Variants in PPFIBP1 observed in about 807,000 individuals in gnomAD.
PPFIBP1 encodes the protein liprin-beta-1.
Under a neutral mutation model 137.8 loss-of-function variants are expected in PPFIBP1, and 112 were observed. The ratio of observed to expected loss-of-function variants is 0.81; its 90% CI spans 0.70 to 0.95. The LOEUF is 0.95. Ranked by LOEUF, PPFIBP1 falls within the 40% of genes least tolerant of loss-of-function variation. PPFIBP1 has a pLI of 0.00. For synonymous variants in PPFIBP1, 378 were observed against 417.3 expected (o/e 0.91, Z 1.15); for missense variants, 1,083 against 1,196.6 (o/e 0.91, Z 1.40).
chr12:27,690,099 C>A (rs771808088), intron 27 of PPFIBP1, among the ~76,000 whole-genome samples: 2 of 152,072 alleles, frequency 1.3e-5, no homozygotes, highest in Non-Finnish European at 2.9e-5. Context: ...TAGCTATCTG[C>A]CCACTCTAAC....
chr12:27,639,800 A>G (rs2057977791), intron 4 of PPFIBP1, among the ~76,000 whole-genome samples: 1 of 152,218 alleles, frequency 6.6e-6, no homozygotes, highest in Non-Finnish European at 1.5e-5. Flanking sequence ...TTGCTATAAA[A>G]ATAAAAATAC....
intron 24 of PPFIBP1, among the ~76,000 whole-genome samples, chr12:27,686,872 CAA>C (rs11342490): frequency 1.5e-5 from 2 of 132,806 alleles, no homozygotes; most frequent in African/African-American, 5.4e-5. Flanking sequence ...CCTATCTCTC[CAA>C]AAAAAAAAAA....
At position 27,684,686 on chromosome 12, in the gene PPFIBP1, C is replaced by G. The variant is rs191004819; in HGVS notation, c.2247+1983C>G. ...GCTATGTGTCAAACATCCTTTTAAGCATTTTGCTCATATTAATACTGGATT... is the reference window on the plus strand; with the variant it reads ...GCTATGTGTCAAACATCCTTTTAAGGATTTTGCTCATATTAATACTGGATT... On this transcript the variant is annotated intron_variant, in intron 24 of 29. Coordinates refer to ENST00000228425, the MANE Select transcript of PPFIBP1 (RefSeq NM_003622.4). 5.3e-5 allele frequency among the ~76,000 whole-genome samples: 8 copies of G among 152,164 alleles called. No individual in the cohort carries two copies. In the East Asian group the frequency reaches 1.3e-3, roughly 26 times the overall value.
chr12:27,675,418 A>G (rs754645578), intron 17 of PPFIBP1, among the ~76,000 whole-genome samples: 1 of 152,226 alleles, frequency 6.6e-6, no homozygotes, highest in East Asian at 1.9e-4. Context: ...AGATATATAG[A>G]GTAAAATAAC....
In PPFIBP1 at chr12:27,672,429, A is replaced by G. The variant is rs758969929; in HGVS notation, c.1265A>G (p.Asp422Gly). 1.2e-5 allele frequency: 20 copies of G among 1,605,220 alleles called. No homozygotes were observed. The highest frequency in any genetic ancestry group is 1.7e-5 in the Non-Finnish European group (20 of 1,172,742). Residue 422 changes from aspartate to glycine, a missense_variant and splice_region_variant, in exon 15 of 30, where the codon GAT becomes GGT. Asp to Gly is a moderately conservative substitution (Grantham distance 94). Coordinates refer to ENST00000228425, the MANE Select transcript of PPFIBP1 (RefSeq NM_003622.4). ...PKPETSFEENDGNIILGATVD... is the reference protein window; with the variant it reads ...PKPETSFEENGGNIILGATVD... ...ACCTTTTGTTCTTTACATTTTAGTG[A>G]TGGAAACATAATCCTTGGTGCCACT...
chr12:27,681,019 G>A (rs951171842), intron 21 of PPFIBP1, among the ~76,000 whole-genome samples: 6 of 151,846 alleles, frequency 4.0e-5, no homozygotes, highest in Admixed American at 1.3e-4. Context: ...CTTCCCCTCC[G>A]CACCCTGCCC....
At chr12:27,575,284 T>A (rs1280500327) in intron 1 of PPFIBP1, among the ~76,000 whole-genome samples, 1 of 152,188 alleles carries the variant, frequency 6.6e-6, no homozygotes, top group East Asian at 1.9e-4. Context: ...AGACCCACAT[T>A]TGGCCTTCTT....
At chr12:27,592,095 T>TTCTTCCCTTGGAAGTGCA (rs1280595503) in intron 2 of PPFIBP1, among the ~76,000 whole-genome samples, 1 of 152,230 alleles carries the variant, frequency 6.6e-6, no homozygotes, top group Non-Finnish European at 1.5e-5. Flanking sequence ...GAGAAAGAAT[T>TTCTTCCCTTGGAAGTGCA]TCTTCCCTTG....
rs79235122 is a variant in PPFIBP1, at chr12:27,686,477, G to C, written c.2248-908G>C. Among the ~76,000 whole-genome samples, 494 of 152,242 alleles carry C rather than the reference G, an allele frequency of 3.2e-3. 1 individual carries two copies. Among genetic ancestry groups the C allele is most frequent in the African/African-American group, 0.011 (467 of 41,530 alleles). ...GTGAAAATTCTTCCTTGAAGGGGTT[G>C]ATTGGTAATATATATATGTGATACT... On this transcript the variant is annotated intron_variant, in intron 24 of 29. Transcript: ENST00000228425.
chr12:27,590,157 A>C (rs2052316567), intron 2 of PPFIBP1, among the ~76,000 whole-genome samples: 1 of 151,760 alleles, frequency 6.6e-6, no homozygotes. Flanking sequence ...CTTTCTACTA[A>C]ATGCTGTGTT....
In PPFIBP1 at chr12:27,682,485, C is replaced by G. The variant is rs372355893; in HGVS notation, c.2145C>G (p.Phe715Leu). 3 of 1,613,312 alleles carry G rather than the reference C, an allele frequency of 1.9e-6. No homozygotes were observed. The highest frequency in any genetic ancestry group is 2.5e-6 in the Non-Finnish European group (3 of 1,179,388). Residue 715 changes from phenylalanine to leucine, a missense_variant, in exon 23 of 30, where the codon TTC (phenylalanine) becomes TTG (leucine). Physicochemically the swap from Phe to Leu is conservative, Grantham distance 22. Coordinates refer to ENST00000228425, the MANE Select transcript of PPFIBP1 (RefSeq NM_003622.4). ...EEETNHGKLD[F>L]NWVTRWLDDI... ...AAACCAATCATGGGAAGCTGGATTT[C>G]AACTGGGTCACTAGTAAGAAGTTTT... is the stretch of plus-strand genomic sequence containing the variant.
At chr12:27,629,272 T>G (rs1308007035) in intron 2 of PPFIBP1, among the ~76,000 whole-genome samples, 1 of 152,216 alleles carries the variant, frequency 6.6e-6, no homozygotes, top group East Asian at 1.9e-4. Context: ...TAAATGGGAT[T>G]GACATTGGGA....
At chr12:27,563,695 G>A (rs1241162637) in intron 1 of PPFIBP1, among the ~76,000 whole-genome samples, 1 of 152,038 alleles carries the variant, frequency 6.6e-6, no homozygotes, top group East Asian at 1.9e-4. Context: ...ATGGATCCTG[G>A]TGGCACTACT....
chr12:27,678,856 C>CAGAAAAAAAAAAAA (rs2060691363), intron 19 of PPFIBP1, among the ~76,000 whole-genome samples: 1 of 98,972 alleles, frequency 1.0e-5, no homozygotes, highest in East Asian at 3.7e-4. Flanking sequence ...GACTCTGTCT[C>CAGAAAAAAAAAAAA]AAAAAAAAAA....
chr12:27,653,014 T>C (rs2058970678), intron 7 of PPFIBP1, among the ~76,000 whole-genome samples: 1 of 152,178 alleles, frequency 6.6e-6, no homozygotes, highest in African/African-American at 2.4e-5. Flanking sequence ...TATTAAGGTG[T>C]AATTGTATAA....
intron 2 of PPFIBP1, chr12:27,592,528 C>G: frequency 8.1e-7 from 1 of 1,240,174 alleles, no homozygotes; most frequent in South Asian, 1.2e-5. Flanking sequence ...GAATCGTTTC[C>G]TTGGTGCTGG....
chr12:27,579,400 A>C (rs558471401), intron 2 of PPFIBP1, among the ~76,000 whole-genome samples: 1 of 152,214 alleles, frequency 6.6e-6, no homozygotes, highest in Non-Finnish European at 1.5e-5. Flanking sequence ...TTCAATCAGC[A>C]CCTTGATGAG....
At chr12:27,571,679 C>T (rs553412804) in intron 1 of PPFIBP1, among the ~76,000 whole-genome samples, 6 of 152,136 alleles carry the variant, frequency 3.9e-5, no homozygotes, top group Non-Finnish European at 7.4e-5. Context: ...GCAGTTCTAC[C>T]GACATGATAA....
intron 27 of PPFIBP1, among the ~76,000 whole-genome samples, chr12:27,690,642 T>G (rs1279178063): frequency 2.0e-5 from 3 of 152,218 alleles, no homozygotes; most frequent in Non-Finnish European, 2.9e-5. Context: ...AGCATAATAT[T>G]GGCTTCCATA....
Sources: gnomAD v4.1 joint callset for allele counts (sites outside exome capture counted in the v4.1 genomes callset) on GRCh38, gnomAD v4.1.1 for gene constraint, MANE v1.5 for transcripts, NCBI Gene and HGNC (gene_info 2026-07-23, HGNC 2026-07-21) for gene names.